The following NKAIN2 variants were observed in gnomAD, a reference collection of about 807,000 sequenced individuals.
NKAIN2 encodes sodium/potassium-transporting ATPase subunit beta-1-interacting protein 2.
A neutral mutation model predicts 32.6 loss-of-function variants in NKAIN2; 14 were observed. That is an observed-to-expected ratio of 0.43 (90% CI 0.28 to 0.67). The LOEUF is 0.67. Ranked by LOEUF, NKAIN2 falls within the 30% of genes least tolerant of loss-of-function variation. The pLI, the probability that NKAIN2 is intolerant of heterozygous loss-of-function variation, is 0.17. For missense variants in NKAIN2, 198 were observed against 258.3 expected (o/e 0.77, Z 1.60); for synonymous variants, 80 against 87.2 (o/e 0.92, Z 0.46).
At chr6:124,463,911 AT>A (rs1363450454) in intron 3 of NKAIN2, among the ~76,000 whole-genome samples, 3 of 152,124 alleles carry the variant, frequency 2.0e-5, no homozygotes, top group African/African-American at 7.2e-5. Context: ...TAAAACGTCT[AT>A]TTAGCTATTT....
chr6:124,822,446 A>G (rs957512770), intron 6 of NKAIN2, among the ~76,000 whole-genome samples: 5 of 152,210 alleles, frequency 3.3e-5, no homozygotes, highest in African/African-American at 7.2e-5. Flanking sequence ...TTGAAAAGCA[A>G]TAGGCATTTT....
rs200613065 is a variant in NKAIN2 at position 123,839,524 on chromosome 6, T to TA, written c.54+35278dup. ...AGCATTTCGTTTTGTTTTGTTTCATTAAAAAAAATGTTCTTAGAGAGTTTG... is the reference window on the plus strand; with the variant it reads ...AGCATTTCGTTTTGTTTTGTTTCATTAAAAAAAAATGTTCTTAGAGAGTTTG... On this transcript the variant is annotated intron_variant, in intron 1 of 6. Transcript: ENST00000368417. Among the ~76,000 whole-genome samples the TA allele has an allele frequency of 9.9e-4, 151 of 151,960 alleles. 1 individual carries two copies. In the East Asian group the frequency reaches 0.023, roughly 23 times the overall value.
chr6:124,349,269 C>T lies in NKAIN2; in HGVS notation c.193-5998C>T, dbSNP rs1406064223. ...ACAGATTGAATCCCAGGTTACCACA[C>T]AGGAAGAGGAGAGCCAGCCTGCTCC... On this transcript the variant is annotated intron_variant, in intron 2 of 6. Transcript: ENST00000368417. Among the ~76,000 whole-genome samples the T allele has an allele frequency of 2.6e-5, 4 of 152,154 alleles. No individual in the cohort carries two copies. In the East Asian group the frequency reaches 7.8e-4, roughly 30 times the overall value.
At chr6:124,817,976 AT>A (rs1319189950) in intron 5 of NKAIN2, among the ~76,000 whole-genome samples, 2,472 of 152,296 alleles carry the variant, frequency 0.016, no homozygotes, top group African/African-American at 0.054. Flanking sequence ...TCATAGATAC[AT>A]GCACTTGAGT....
At chr6:124,507,104 A>G (rs1778516212) in intron 3 of NKAIN2, among the ~76,000 whole-genome samples, 1 of 152,238 alleles carries the variant, frequency 6.6e-6, no homozygotes. Context: ...AGAAAGGATA[A>G]GCATTTTTAA....
intron 1 of NKAIN2, among the ~76,000 whole-genome samples, chr6:123,900,966 TG>T (rs543037498): frequency 1.3e-5 from 2 of 152,208 alleles, no homozygotes; most frequent in Non-Finnish European, 2.9e-5. Flanking sequence ...TTTGAGAAGA[TG>T]GAAGGAATAA....
intron 1 of NKAIN2, among the ~76,000 whole-genome samples, chr6:124,027,296 C>T (rs763158489): frequency 2.8e-4 from 43 of 152,116 alleles, no homozygotes; most frequent in Non-Finnish European, 3.8e-4. Flanking sequence ...CCTGCCACTA[C>T]GCCTGGCTAA....
intron 3 of NKAIN2, among the ~76,000 whole-genome samples, chr6:124,523,098 G>A (rs525181): frequency 1.6e-5 from 1 of 60,870 alleles, no homozygotes; most frequent in Admixed American, 2.1e-4. Flanking sequence ...AGCCGAGATC[G>A]CGCCACAGCA....
chr6:124,752,667 T>G (rs77195662), intron 4 of NKAIN2, among the ~76,000 whole-genome samples: 3,648 of 152,102 alleles, frequency 0.024, 65 homozygotes, highest in African/African-American at 0.046. Context: ...ACCAGGTAAC[T>G]TGGCTAGACT....
intron 1 of NKAIN2, among the ~76,000 whole-genome samples, chr6:124,204,975 TA>T (rs952217144): frequency 1.2e-5 from 1 of 80,520 alleles, no homozygotes; most frequent in South Asian, 4.8e-4. Flanking sequence ...CCTCTGCATC[TA>T]AAAAAAAGCA....
chr6:124,797,169 C>CAAAAAAAAAAAAAAAAAAAAAAAAAAAAA (rs563319426), intron 5 of NKAIN2, among the ~76,000 whole-genome samples: 1 of 87,154 alleles, frequency 1.1e-5, no homozygotes, highest in Non-Finnish European at 2.2e-5. Flanking sequence ...TCCATGTTAG[C>CAAAAAAAAAAAAAAAAAAAAAAAAAAAAA]AAAAAAAAAA....
At chr6:124,388,273 T>C (rs561683505) in intron 3 of NKAIN2, among the ~76,000 whole-genome samples, 2 of 152,210 alleles carry the variant, frequency 1.3e-5, no homozygotes, top group South Asian at 2.1e-4. Flanking sequence ...GGTTTATTTA[T>C]TATACCCTTT....
At chr6:124,760,458 C>T (rs550528306) in intron 4 of NKAIN2, among the ~76,000 whole-genome samples, 5 of 149,202 alleles carry the variant, frequency 3.4e-5, no homozygotes, top group African/African-American at 9.9e-5. Context: ...GCCAGATTCC[C>T]GCTACTCTAC....
intron 4 of NKAIN2, among the ~76,000 whole-genome samples, chr6:124,766,467 C>T (rs923889331): frequency 4.6e-5 from 7 of 152,190 alleles, no homozygotes; most frequent in Admixed American, 4.6e-4. Context: ...GCACCCTCTC[C>T]GTTGCCTACT....
chr6:124,484,558 A>T (rs1179102222), intron 3 of NKAIN2, among the ~76,000 whole-genome samples: 1 of 152,206 alleles, frequency 6.6e-6, no homozygotes, highest in African/African-American at 2.4e-5. Context: ...CAGATTGGAA[A>T]GATTGTGTAA....
intron 2 of NKAIN2, among the ~76,000 whole-genome samples, chr6:124,347,587 A>C (rs1382775909): frequency 6.6e-6 from 1 of 151,792 alleles, no homozygotes; most frequent in Non-Finnish European, 1.5e-5. Context: ...CATTCATTTC[A>C]TCTTCCGTCA....
chr6:124,543,627 C>G (rs1047357127), intron 3 of NKAIN2, among the ~76,000 whole-genome samples: 5 of 151,986 alleles, frequency 3.3e-5, no homozygotes, highest in African/African-American at 1.2e-4. Flanking sequence ...TAAAATGGTG[C>G]AAGATTAAAT....
chr6:124,818,358 A>G (rs974903522), intron 5 of NKAIN2, 29 bp from the exon 6 acceptor site: 6 of 1,291,380 alleles, frequency 4.6e-6, no homozygotes, highest in Non-Finnish European at 6.8e-6. Flanking sequence ...CTCTTCTGAA[A>G]AGCTAATTAA....
intron 4 of NKAIN2, among the ~76,000 whole-genome samples, chr6:124,700,379 G>T (rs928722861): frequency 6.6e-6 from 1 of 152,124 alleles, no homozygotes; most frequent in Non-Finnish European, 1.5e-5. Flanking sequence ...AAAACTCAAA[G>T]TGTTGAGTTA....
Sources: gnomAD v4.1 joint callset for allele counts (sites outside exome capture counted in the v4.1 genomes callset) on GRCh38, gnomAD v4.1.1 for gene constraint, MANE v1.5 for transcripts, NCBI Gene and HGNC (gene_info 2026-07-23, HGNC 2026-07-21) for gene names.